The following GPR176 variants were observed in gnomAD, a reference collection of about 807,000 sequenced individuals.
GPR176 encodes G protein-coupled receptor 176.
In GPR176, 26 loss-of-function variants were observed where a neutral mutation model predicts 35.4. The ratio of observed to expected loss-of-function variants is 0.74; its 90% CI spans 0.54 to 1.02. GPR176 has a LOEUF of 1.02. Among genes scored for constraint, GPR176 ranks in the 50% least tolerant of loss-of-function variants. The probability of loss-of-function intolerance (pLI) is 0.00; values close to 1 mark genes in which losing one functional copy is unlikely to be tolerated. For missense variants in GPR176, 597 were observed against 665.3 expected (o/e 0.90, Z 1.13); for synonymous variants, 278 against 271.3 (o/e 1.02, Z -0.24).
chr15:39,834,879 T>C (rs774692373), intron 1 of GPR176, among the ~76,000 whole-genome samples: 3 of 152,186 alleles, frequency 2.0e-5, no homozygotes, highest in African/African-American at 2.4e-5. Flanking sequence ...TGGGTGATTA[T>C]AGTCAATAAT....
chr15:39,801,135 G>C lies in GPR176; in HGVS notation c.1545C>G (p.Ser515=). The C allele has an allele frequency of 6.3e-7, 1 of 1,590,948 alleles. No homozygotes were observed. The highest frequency in any genetic ancestry group is 8.6e-7 in the Non-Finnish European group (1 of 1,166,688). Residue 515 remains serine, a synonymous_variant, in exon 3 of 3, where the codon TCC becomes TCG. Coordinates refer to ENST00000561100, the MANE Select transcript of GPR176 (RefSeq NM_007223.3). ...NKVSIFPKVD[S] is the part of the protein sequence containing the mutation. ...TTCCAAGAATTTACAATCCTTGCTA[G>C]GAATCCACCTTTGGAAAAATGCTCA...
chr15:39,843,606 A>T (rs1281529316), intron 1 of GPR176, among the ~76,000 whole-genome samples: 1 of 152,126 alleles, frequency 6.6e-6, no homozygotes, highest in Non-Finnish European at 1.5e-5. Flanking sequence ...TTACACAGGC[A>T]TAGCTATGCC....
chr15:39,820,618 A>G (rs949075644), intron 1 of GPR176, among the ~76,000 whole-genome samples: 3 of 152,350 alleles, frequency 2.0e-5, no homozygotes, highest in East Asian at 1.9e-4. Context: ...CAGAGTATCT[A>G]TGATTCCTTT....
In GPR176 at chr15:39,895,255, A is replaced by AGAGGGAGAGGGAGACCG. The variant is rs1196633790; in HGVS notation, c.172+24599_172+24600insCGGTCTCCCTCTCCCTC. ...CCGTGGGGAGAGGGAGAGGGAGACC[A>AGAGGGAGAGGGAGACCG]TGGGGAGAGGGAGAGGGAGACCGTG... On this transcript the variant is annotated intron_variant, in intron 1 of 2. Coordinates refer to ENST00000561100, the MANE Select transcript of GPR176 (RefSeq NM_007223.3). Among the ~76,000 whole-genome samples, 400 of 125,940 alleles carry AGAGGGAGAGGGAGACCG rather than the reference A, an allele frequency of 3.2e-3. 55 individuals carry two copies. Among genetic ancestry groups the AGAGGGAGAGGGAGACCG allele is most frequent in the Non-Finnish European group, 4.8e-3 (284 of 59,240 alleles). 82.6% of individuals were successfully genotyped at this position (125,940 alleles called of 152,430 possible). A position where few individuals can be genotyped will look rare whatever the true frequency, so the allele number is the denominator to read the frequency against.
intron 1 of GPR176, among the ~76,000 whole-genome samples, chr15:39,816,253 C>T (rs139725831): frequency 6.6e-6 from 1 of 152,090 alleles, no homozygotes; most frequent in African/African-American, 2.4e-5. Context: ...TATATATTTA[C>T]AATTGCTTTA....
At chr15:39,823,708 T>C (rs1900430128) in intron 1 of GPR176, among the ~76,000 whole-genome samples, 1 of 152,118 alleles carries the variant, frequency 6.6e-6, no homozygotes, top group East Asian at 1.9e-4. Flanking sequence ...CCATTGTTTG[T>C]AAAGGGAAAA....
At chr15:39,832,262 G>A (rs1434683520) in intron 1 of GPR176, among the ~76,000 whole-genome samples, 1 of 152,154 alleles carries the variant, frequency 6.6e-6, no homozygotes, top group African/African-American at 2.4e-5. Flanking sequence ...CTCATAGACT[G>A]CTGGTGGGAA....
chr15:39,835,208 T>C (rs11854663), intron 1 of GPR176, among the ~76,000 whole-genome samples: 27,642 of 151,540 alleles, frequency 0.18, 2,935 homozygotes, highest in Admixed American at 0.34. Flanking sequence ...TTAGTAGAGA[T>C]GGGGTTTCTC....
intron 1 of GPR176, among the ~76,000 whole-genome samples, chr15:39,893,584 T>C (rs899454886): frequency 6.8e-4 from 103 of 152,362 alleles, no homozygotes; most frequent in Non-Finnish European, 1.2e-3. Context: ...AAAGCCGCCA[T>C]TGTCATCCTG....
intron 1 of GPR176, among the ~76,000 whole-genome samples, chr15:39,877,922 T>C (rs2032313694): frequency 6.6e-6 from 1 of 152,122 alleles, no homozygotes; most frequent in African/African-American, 2.4e-5. Context: ...TTCAAAACAA[T>C]GACACAGCCG....
At chr15:39,832,086 C>T (rs1901124316) in intron 1 of GPR176, among the ~76,000 whole-genome samples, 1 of 151,922 alleles carries the variant, frequency 6.6e-6, no homozygotes, top group Non-Finnish European at 1.5e-5. Context: ...CCAAAGAAGA[C>T]ATACAAATGG....
intron 1 of GPR176, among the ~76,000 whole-genome samples, chr15:39,830,025 AAATCTGTGACT>A (rs1276658479): frequency 6.6e-6 from 1 of 151,906 alleles, no homozygotes; most frequent in African/African-American, 2.4e-5. Context: ...TTAGCTAAAT[AAATCTGTGACT>A]AATTCACAGA....
intron 1 of GPR176, among the ~76,000 whole-genome samples, chr15:39,863,758 T>C (rs891032143): frequency 1.3e-4 from 20 of 152,226 alleles, no homozygotes; most frequent in Non-Finnish European, 2.4e-4. Flanking sequence ...TACCTTTTTA[T>C]GTTAGATACA....
At chr15:39,840,183 G>A (rs546985293) in intron 1 of GPR176, among the ~76,000 whole-genome samples, 11 of 152,210 alleles carry the variant, frequency 7.2e-5, no homozygotes, top group African/African-American at 2.4e-4. Context: ...ACATGCACAC[G>A]TATGTTTATT....
At chr15:39,873,639 C>T (rs1361693199) in intron 1 of GPR176, among the ~76,000 whole-genome samples, 3 of 144,624 alleles carry the variant, frequency 2.1e-5, no homozygotes. Context: ...TTTTTTGAGA[C>T]TAGTTTTTCT....
intron 1 of GPR176, among the ~76,000 whole-genome samples, chr15:39,908,804 C>G (rs1483252855): frequency 1.3e-5 from 2 of 152,160 alleles, no homozygotes; most frequent in Non-Finnish European, 2.9e-5. Flanking sequence ...ATCTCTATAT[C>G]AAGGACGTTG....
At chr15:39,858,093 G>A (rs1355411356) in intron 1 of GPR176, among the ~76,000 whole-genome samples, 2 of 152,064 alleles carry the variant, frequency 1.3e-5, no homozygotes, top group Non-Finnish European at 2.9e-5. Context: ...CTTATGTGGA[G>A]GAAGAGGAAA....
intron 1 of GPR176, among the ~76,000 whole-genome samples, chr15:39,857,111 C>T (rs7179252): frequency 0.023 from 3,507 of 152,202 alleles, 174 homozygotes; most frequent in African/African-American, 0.078. Flanking sequence ...AAATAAGCAG[C>T]ATATGCAAGT....
intron 1 of GPR176, among the ~76,000 whole-genome samples, chr15:39,885,152 C>T (rs2032625522): frequency 6.6e-6 from 1 of 152,144 alleles, no homozygotes; most frequent in Non-Finnish European, 1.5e-5. Context: ...AAGGATTGAT[C>T]ACACACTCTA....
Sources: allele counts gnomAD v4.1 joint callset (sites outside exome capture counted in the v4.1 genomes callset), GRCh38; gene constraint gnomAD v4.1.1; transcripts MANE v1.5; gene names NCBI Gene and HGNC (gene_info 2026-07-23, HGNC 2026-07-21).